The following ADAMTS12 variants were observed in gnomAD, a reference collection of about 807,000 sequenced individuals.
ADAMTS12 encodes the protein ADAM metallopeptidase with thrombospondin type 1 motif 12, also known as A disintegrin and metalloproteinase with thrombospondin motifs 12.
Under a neutral mutation model 167.8 loss-of-function variants are expected in ADAMTS12, and 118 were observed. The ratio of observed to expected loss-of-function variants is 0.70; its 90% CI spans 0.61 to 0.82. The LOEUF (loss-of-function observed/expected upper bound fraction) is 0.82. Ranked by LOEUF, ADAMTS12 falls within the 40% of genes least tolerant of loss-of-function variation. The pLI, the probability that ADAMTS12 is intolerant of heterozygous loss-of-function variation, is 0.00. For synonymous variants in ADAMTS12, 704 were observed against 716.9 expected, an observed-to-expected ratio of 0.98 and a Z score of 0.29; for missense variants, 1,916 against 1,998.8, an observed-to-expected ratio of 0.96 and a Z score of 0.79.
intron 2 of ADAMTS12, among the ~76,000 whole-genome samples, chr5:33,786,936 C>T (rs1400946275): frequency 2.0e-5 from 3 of 152,132 alleles, no homozygotes; most frequent in Non-Finnish European, 4.4e-5. Flanking sequence ...GAAGGGATCC[C>T]CCTCTTATAT....
chr5:33,828,897 G>A (rs1470923348), intron 2 of ADAMTS12, among the ~76,000 whole-genome samples: 2 of 152,112 alleles, frequency 1.3e-5, no homozygotes, highest in Non-Finnish European at 2.9e-5. Context: ...TTTCGCCCCT[G>A]TGTTGCAGTT....
chr5:33,802,727 C>T (rs1351266007), intron 2 of ADAMTS12, among the ~76,000 whole-genome samples: 1 of 152,186 alleles, frequency 6.6e-6, no homozygotes, highest in Non-Finnish European at 1.5e-5. Context: ...AGGGGCCCTA[C>T]TCTGATCCCC....
chr5:33,666,239 G>A (rs544354708), intron 5 of ADAMTS12, among the ~76,000 whole-genome samples: 11 of 152,306 alleles, frequency 7.2e-5, no homozygotes, highest in African/African-American at 2.6e-4. Flanking sequence ...GCGCAGGGCC[G>A]GCCAGAAAAA....
intron 7 of ADAMTS12, among the ~76,000 whole-genome samples, chr5:33,652,990 T>C (rs1277168447): frequency 6.6e-6 from 1 of 152,186 alleles, no homozygotes; most frequent in Non-Finnish European, 1.5e-5. Flanking sequence ...TGTTTCTTTC[T>C]TTCCCATATG....
chr5:33,703,251 C>T (rs1456007879), intron 3 of ADAMTS12, among the ~76,000 whole-genome samples: 1 of 152,080 alleles, frequency 6.6e-6, no homozygotes, highest in Admixed American at 6.6e-5. Context: ...TTCAAATAGG[C>T]TTGACACATG....
At chr5:33,853,794 A>T (rs1439871115) in intron 2 of ADAMTS12, among the ~76,000 whole-genome samples, 4 of 152,252 alleles carry the variant, frequency 2.6e-5, no homozygotes, top group Non-Finnish European at 5.9e-5. Context: ...TAATGCACAT[A>T]CAAATCACCT....
At chr5:33,816,341 C>T (rs906297550) in intron 2 of ADAMTS12, among the ~76,000 whole-genome samples, 2 of 152,106 alleles carry the variant, frequency 1.3e-5, no homozygotes, top group African/African-American at 4.8e-5. Flanking sequence ...AATGTACTGT[C>T]TTAGAAATTT....
rs1424321374 is a variant in ADAMTS12, at chr5:33,549,209, G to A, written c.4300C>T (p.Gln1434Ter). ...CTCTCCCTTTGTGGGGGACCTACCTGGCTCCAAGGCTCCACCTGCCACGCC... is the reference window on the plus strand; with the variant it reads ...CTCTCCCTTTGTGGGGGACCTACCTAGCTCCAAGGCTCCACCTGCCACGCC... ...CEAWQVEPWSQCSRSCGGGVQ... is the reference protein window; with the variant it reads ...CEAWQVEPWS Residue 1434 changes from glutamine (Q) to a stop codon, truncating the protein, a stop_gained and splice_region_variant, in exon 21 of 24, where the codon CAG becomes TAG. Coordinates refer to ENST00000504830, the MANE Select transcript of ADAMTS12 (RefSeq NM_030955.4). LOFTEE classifies it high-confidence loss of function. 1 of 1,612,684 alleles carries A rather than the reference G, an allele frequency of 6.2e-7. No homozygotes were observed. The highest frequency in any genetic ancestry group is 1.1e-5 in the South Asian group (1 of 91,032).
chr5:33,583,057 T>C (rs552910406), intron 18 of ADAMTS12, among the ~76,000 whole-genome samples: 1 of 151,520 alleles, frequency 6.6e-6, no homozygotes, highest in South Asian at 2.1e-4. Context: ...AGTCACCTCA[T>C]TGTACTATCA....
At chr5:33,849,526 T>C (rs577705604) in intron 2 of ADAMTS12, among the ~76,000 whole-genome samples, 14 of 145,830 alleles carry the variant, frequency 9.6e-5, no homozygotes, top group East Asian at 8.1e-4. Context: ...TATATATGTA[T>C]TGCATAGCAA....
At position 33,549,164 on chromosome 5, in the gene ADAMTS12, G is replaced by T. The variant is rs768038782; in HGVS notation, c.4302+43C>A. 97 of 1,585,212 alleles carry T rather than the reference G, an allele frequency of 6.1e-5. No individual in the cohort carries two copies. The East Asian group carries it at 1.1e-3, about 18-fold the overall frequency. On this transcript the variant is annotated intron_variant, in intron 21 of 23. Coordinates refer to ENST00000504830, the MANE Select transcript of ADAMTS12 (RefSeq NM_030955.4). ...GCAGTAACACAGAGATTCATGGCTT[G>T]CCAGGTTGTGTGAGGACATCTCTCC...
chr5:33,691,017 G>T (rs561757678), intron 3 of ADAMTS12, among the ~76,000 whole-genome samples: 77 of 152,282 alleles, frequency 5.1e-4, no homozygotes, highest in Middle Eastern at 3.4e-3. Context: ...CACTTCCCTT[G>T]GCTTAGTGAC....
chr5:33,760,273 C>T (rs1745301988), intron 2 of ADAMTS12, among the ~76,000 whole-genome samples: 1 of 151,608 alleles, frequency 6.6e-6, no homozygotes, highest in African/African-American at 2.4e-5. Context: ...GAAGTTCTAA[C>T]TATGACAATT....
intron 3 of ADAMTS12, among the ~76,000 whole-genome samples, chr5:33,694,732 G>A (rs1388993137): frequency 1.3e-5 from 2 of 152,226 alleles, no homozygotes; most frequent in Non-Finnish European, 2.9e-5. Flanking sequence ...TACACAAAAT[G>A]AGATGTGCTG....
rs1229940482 is a variant in ADAMTS12 at position 33,549,347 on chromosome 5, C to T, written c.4162G>A (p.Glu1388Lys). 3 of 1,614,086 alleles carry T rather than the reference C, an allele frequency of 1.9e-6. No homozygotes were observed. Among genetic ancestry groups the T allele is most frequent in the East Asian group, 2.2e-5 (1 of 44,864 alleles). ...TCCCGGCTGTCCACGCACTGAATCT[C>T]GCGTATCTTGAAGCCCCCACTGCAG... ...RNCSGGFKIR[E>K]IQCVDSRDHR... The change falls in exon 21 of 24, where the codon GAG (glutamate) becomes AAG (lysine). Residue 1388 changes from glutamate (E) to lysine (K), a missense_variant. Glu to Lys is a moderately conservative substitution (Grantham distance 56). Coordinates refer to ENST00000504830, the MANE Select transcript of ADAMTS12 (RefSeq NM_030955.4).
intron 3 of ADAMTS12, among the ~76,000 whole-genome samples, chr5:33,739,616 G>C (rs1345049481): frequency 1.3e-5 from 2 of 152,206 alleles, no homozygotes; most frequent in Admixed American, 1.3e-4. Flanking sequence ...CTTGTGTCCA[G>C]ACTCGGTTTC....
chr5:33,693,994 T>C (rs528385054), intron 3 of ADAMTS12, among the ~76,000 whole-genome samples: 5 of 152,286 alleles, frequency 3.3e-5, no homozygotes, highest in African/African-American at 1.2e-4. Flanking sequence ...AAGTTCAGCA[T>C]TTCTATATAC....
chr5:33,774,994 T>G (rs1181264344), intron 2 of ADAMTS12, among the ~76,000 whole-genome samples: 1 of 152,170 alleles, frequency 6.6e-6, no homozygotes, highest in Non-Finnish European at 1.5e-5. Context: ...AGATTCTTAG[T>G]CTCCAGTTCA....
rs1746708586 is a variant in ADAMTS12 at position 33,576,266 on chromosome 5, C to T, written c.3760G>A (p.Asp1254Asn). ...PANTLLPLGGDHQPEPSGKTA... is the reference protein window; with the variant it reads ...PANTLLPLGGNHQPEPSGKTA... ...TTTCCTGAGGGTTCTGGCTGGTGGT[C>T]TCCTCCCAGAGGGAGCAGAGTGTTG... Residue 1254 changes from aspartate to asparagine, a missense_variant, in exon 19 of 24, where the codon GAC becomes AAC. Asp to Asn is a conservative substitution (Grantham distance 23). Coordinates refer to ENST00000504830, the MANE Select transcript of ADAMTS12 (RefSeq NM_030955.4). 6.2e-7 allele frequency: 1 copy of T among 1,614,168 alleles called. No individual in the cohort carries two copies. Among genetic ancestry groups the T allele is most frequent in the Non-Finnish European group, 8.5e-7 (1 of 1,180,030 alleles).
Sources: gnomAD v4.1 joint callset for allele counts (sites outside exome capture counted in the v4.1 genomes callset) on GRCh38, gnomAD v4.1.1 for gene constraint, MANE v1.5 for transcripts, NCBI Gene and HGNC (gene_info 2026-07-23, HGNC 2026-07-21) for gene names.